MAP3K12: variants seen among roughly 807,000 people sequenced by gnomAD.
The protein encoded by MAP3K12 is MAPK-upstream kinase.
MAP3K12 carries 14 observed loss-of-function variants against 87.5 expected under a neutral mutation model. The observed-to-expected ratio is 0.16, with a 90% CI of 0.11 to 0.25. The LOEUF (loss-of-function observed/expected upper bound fraction) is 0.25, where lower values mean the gene tolerates loss of function less well. Among genes scored for constraint, MAP3K12 ranks in the 10% least tolerant of loss-of-function variants. The pLI, the probability that MAP3K12 is intolerant of heterozygous loss-of-function variation, is 1.00. For synonymous variants in MAP3K12, 469 were observed against 452.5 expected (o/e 1.04, Z -0.46); for missense variants, 802 against 1,140.4 (o/e 0.70, Z 4.27).
At chr12:53,482,435 G>C in intron 11 of MAP3K12, 66 bp from the exon 12 acceptor site, 2 of 1,606,948 alleles carry the variant, frequency 1.2e-6, no homozygotes, top group African/African-American at 2.7e-5. Flanking sequence ...GAATCCAGGA[G>C]AAGGGAACAT....
rs1022532897 is a variant in MAP3K12 at position 53,486,773 on chromosome 12, G to C, written c.446-151C>G. ...GAAGAAGGTTCGAGGGGACAGGGAA[G>C]GAATGAATGGGTGGCCTTAAAAGAA... is the stretch of plus-strand genomic sequence containing the variant. On this transcript the variant is annotated intron_variant, in intron 2 of 13. Transcript: ENST00000547488. This position sits in a 1 kb window ranked among gnomAD's most constrained non-coding sequence, Gnocchi z 4.9. The C allele has an allele frequency of 1.1e-5, 16 of 1,463,840 alleles. No individual in the cohort carries two copies. In the African/African-American group the frequency reaches 1.7e-4, roughly 16 times the overall value. 90.7% of individuals were successfully genotyped at this position (1,463,840 alleles called of 1,614,324 possible). A position where few individuals can be genotyped will look rare whatever the true frequency, so the allele number is the denominator to read the frequency against.
In MAP3K12 at chr12:53,496,363, C is replaced by G. The variant is rs149326315; in HGVS notation, c.-38+3064G>C. The stretch of plus-strand genomic sequence containing the variant: ...GATGGCCTGATTTTCTGCACCCCAT[C>G]CTCACTCCCTGGCCAGTTGTCTCTG... On this transcript the variant is annotated intron_variant, in intron 1 of 13. Transcript: ENST00000547488. Among the ~76,000 whole-genome samples, 4 of 152,316 alleles carry G rather than the reference C, an allele frequency of 2.6e-5. No individual in the cohort carries two copies. The East Asian group carries it at 7.7e-4, about 29-fold the overall frequency.
upstream of MAP3K12, chr12:53,501,206 G>A: frequency 1.7e-6 from 1 of 596,832 alleles, no homozygotes; most frequent in South Asian, 2.1e-5. Context: ...AGCCACGCAC[G>A]CAGAGGGTTG....
At chr12:53,501,318 C>G, upstream of MAP3K12, 2 of 1,470,656 alleles carry the variant, frequency 1.4e-6, no homozygotes, top group Non-Finnish European at 9.2e-7. Flanking sequence ...GGCCGCGACT[C>G]CGGGCTTGGC....
upstream of MAP3K12, chr12:53,501,350 G>T: frequency 2.6e-6 from 4 of 1,545,548 alleles, no homozygotes; most frequent in East Asian, 9.8e-5. Flanking sequence ...CTCGTCGGCT[G>T]TGTATTGGGG....
intron 13 of MAP3K12, chr12:53,481,514 T>C (rs2137168830): frequency 6.9e-6 from 2 of 289,178 alleles, no homozygotes; most frequent in South Asian, 1.3e-4. Context: ...CACGCCCAGC[T>C]AATTTTTGTA....
In MAP3K12 at chr12:53,482,888, T is replaced by C. The variant is rs1053014099; in HGVS notation, c.1915A>G (p.Met639Val). The C allele has an allele frequency of 6.2e-7, 1 of 1,612,126 alleles. No individual in the cohort carries two copies. ...AGCAGGTCTGGGGACGATGAAGACATTTTGCGGAGCAGGAGGTCATGATGA... is the reference window on the plus strand; with the variant it reads ...AGCAGGTCTGGGGACGATGAAGACACTTTGCGGAGCAGGAGGTCATGATGA... ...GLHHDLLLRK[M>V]SSSSPDLLSA... The change falls in exon 11 of 14, where the codon ATG (methionine) becomes GTG (valine). Residue 639 changes from methionine (M) to valine (V), a missense_variant. Met to Val is a conservative substitution (Grantham distance 21). Transcript: ENST00000547488.
intron 1 of MAP3K12, among the ~76,000 whole-genome samples, chr12:53,498,150 CT>C (rs1031618919): frequency 7.9e-5 from 12 of 152,104 alleles, no homozygotes; most frequent in South Asian, 4.1e-4. Context: ...AGGGGACACA[CT>C]TTTTTTCACC....
chr12:53,482,220 TGAAGAG>T lies in MAP3K12; in HGVS notation c.2310-15_2310-10del, dbSNP rs1295476541. On this transcript the variant is annotated splice_polypyrimidine_tract_variant and intron_variant, in intron 12 of 13. Coordinates refer to ENST00000547488, the MANE Select transcript of MAP3K12 (RefSeq NM_001193511.2). ...TCAGGCTCTGAGGCCACCTACATGT[TGAAGAG>T]GGGGATTACAGCTTGGTTCTGCCCC... is the stretch of plus-strand genomic sequence containing the variant. 1 of 1,614,112 alleles carries T rather than the reference TGAAGAG, an allele frequency of 6.2e-7. No individual in the cohort carries two copies. The highest frequency in any genetic ancestry group is 8.5e-7 in the Non-Finnish European group (1 of 1,179,984).
intron 1 of MAP3K12, among the ~76,000 whole-genome samples, chr12:53,496,393 C>T (rs1943548870): frequency 6.6e-6 from 1 of 152,196 alleles, no homozygotes; most frequent in African/African-American, 2.4e-5. Context: ...TCTCTGGAAT[C>T]TGCTCTCTTA....
chr12:53,484,753 T>G (rs1156925092), intron 6 of MAP3K12: 4 of 481,140 alleles, frequency 8.3e-6, no homozygotes, highest in Non-Finnish European at 1.5e-5. Context: ...TACTTGAGGC[T>G]CAACCAACCA....
At chr12:53,484,912 C>G in intron 6 of MAP3K12, 144 bp downstream of exon 6, 1 of 1,071,332 alleles carries the variant, frequency 9.3e-7, no homozygotes, top group Non-Finnish European at 1.4e-6. Context: ...TGACTCAGCT[C>G]AGAAGGTAGC....
Position 53,480,572 on chromosome 12 carries a change from G to A in MAP3K12, c.*610C>T, listed in dbSNP as rs1003403833. 6.6e-6 allele frequency: 1 copy of A among 152,580 alleles called. No individual in the cohort carries two copies. The highest frequency in any genetic ancestry group is 6.5e-5 in the Admixed American group (1 of 15,274). The allele number at this position is 152,580 out of a possible 1,614,324, so 9.5% of individuals were successfully genotyped here. A position where few individuals can be genotyped will look rare whatever the true frequency, so the allele number is the denominator to read the frequency against. On this transcript the variant is annotated 3_prime_UTR_variant, in exon 14 of 14. Coordinates refer to ENST00000547488, the MANE Select transcript of MAP3K12 (RefSeq NM_001193511.2). Reference sequence around the variant, plus strand: ...AGTCCCCACCCCAATCAGGCACCAGGATAAAAGCAGGGACTTAAACAGCAC... The same window carrying A: ...AGTCCCCACCCCAATCAGGCACCAGAATAAAAGCAGGGACTTAAACAGCAC...
At chr12:53,501,195 G>A (rs1943684046), upstream of MAP3K12, 5 of 586,462 alleles carry the variant, frequency 8.5e-6, 1 homozygote. Context: ...CTGCCCGGGC[G>A]AGCCACGCAC....
Position 53,482,898 on chromosome 12 carries a change from C to T in MAP3K12, c.1905G>A (p.Leu635=), listed in dbSNP as rs765364358. Residue 635 remains leucine, a synonymous_variant, in exon 11 of 14, where the codon CTG becomes CTA. Transcript: ENST00000547488. ...GGGACGATGAAGACATTTTGCGGAG[C>T]AGGAGGTCATGATGAAGCCCACGGA... ...PALRGLHHDL[L]LRKMSSSSPD... 1.1e-5 allele frequency: 18 copies of T among 1,611,356 alleles called. No homozygotes were observed. Among genetic ancestry groups the T allele is most frequent in the Non-Finnish European group, 1.4e-5 (17 of 1,179,872 alleles).
chr12:53,484,662 G>GT, intron 6 of MAP3K12: 1 of 458,024 alleles, frequency 2.2e-6, no homozygotes. Context: ...CTCAGTGACA[G>GT]ATTAGCAATC....
At chr12:53,499,587 G>C (rs1018875561), upstream of MAP3K12, 2 of 151,874 alleles carry the variant, frequency 1.3e-5, no homozygotes, top group Non-Finnish European at 2.9e-5. Context: ...TGCGGTGTCC[G>C]GATGCACGGG....
At chr12:53,482,428 T>G (rs1943085300) in intron 11 of MAP3K12, 59 bp from the exon 12 acceptor site, 20 of 1,607,578 alleles carry the variant, frequency 1.2e-5, no homozygotes, top group Non-Finnish European at 1.7e-5. Context: ...TCACTAAGAA[T>G]CCAGGAGAAG....
In MAP3K12 at chr12:53,486,198, C is replaced by A; in HGVS notation, c.679G>T (p.Ala227Ser). ...AGTACCTCATACAGCTGGCCCTGGG[C>A]GCAGAACTCCATGAGGATGCAGTAG... ...PCYCILMEFC[A>S]QGQLYEVLRA... The change falls in exon 4 of 14, where the codon GCC (alanine) becomes TCC (serine). Residue 227 changes from alanine (A) to serine (S), a missense_variant. This residue lies in a region of MAP3K12 where 57 missense variants were observed against 161.8 expected (regional missense o/e 0.35). Transcript: ENST00000547488. This position sits in a 1 kb window ranked among gnomAD's most constrained non-coding sequence, Gnocchi z 4.9. The A allele has an allele frequency of 6.2e-7, 1 of 1,613,342 alleles. No individual in the cohort carries two copies. Among genetic ancestry groups the A allele is most frequent in the Non-Finnish European group, 8.5e-7 (1 of 1,179,640 alleles).
Sources: allele counts gnomAD v4.1 joint callset (sites outside exome capture counted in the v4.1 genomes callset), GRCh38; gene constraint gnomAD v4.1.1; regional missense constraint gnomAD v4.1.1; non-coding constraint Gnocchi (gnomAD v3.1); transcripts MANE v1.5; gene names NCBI Gene and HGNC (gene_info 2026-07-23, HGNC 2026-07-21).